The following KIF5A variants were observed in gnomAD, a reference collection of about 807,000 sequenced individuals.
The protein encoded by KIF5A is kinesin heavy chain isoform 5A.
In KIF5A, 35 loss-of-function variants were observed where a neutral mutation model predicts 141.3. The ratio of observed to expected loss-of-function variants is 0.25; its 90% CI spans 0.19 to 0.33. The LOEUF (loss-of-function observed/expected upper bound fraction) is 0.33. KIF5A is among the 10% of genes least tolerant of loss of function. The pLI, the probability that KIF5A is intolerant of heterozygous loss-of-function variation, is 1.00. For missense variants in KIF5A, 861 were observed against 1,314.3 expected, an observed-to-expected ratio of 0.66 and a Z score of 5.33; for synonymous variants, 448 against 500.2, an observed-to-expected ratio of 0.90 and a Z score of 1.39.
chr12:57,576,348 A>G lies in KIF5A; in HGVS notation c.2168A>G (p.Glu723Gly), dbSNP rs1331338616. 5.0e-6 allele frequency: 8 copies of G among 1,613,882 alleles called. No individual in the cohort carries two copies. Among genetic ancestry groups the G allele is most frequent in the Non-Finnish European group, 8.5e-7 (1 of 1,179,892 alleles). ...GCCCGGCTCCGGGACGAGATCAACG[A>G]GAAGCAGAAGACCATTGATGAGCTC... is the stretch of plus-strand genomic sequence containing the variant. ...QLARLRDEIN[E>G]KQKTIDELKD... The change falls in exon 19 of 29, where the codon GAG (glutamate) becomes GGG (glycine). Residue 723 changes from glutamate to glycine, a missense_variant. Coordinates refer to ENST00000455537, the MANE Select transcript of KIF5A (RefSeq NM_004984.4).
At chr12:57,567,700 G>C in intron 8 of KIF5A, 82 bp downstream of exon 8, 1 of 1,423,214 alleles carries the variant, frequency 7.0e-7, no homozygotes. Context: ...TCACTCTGTC[G>C]CCCGGGCTGG....
intron 15 of KIF5A, among the ~76,000 whole-genome samples, chr12:57,573,903 A>G (rs1462900180): frequency 6.6e-6 from 1 of 151,512 alleles, no homozygotes; most frequent in Non-Finnish European, 1.5e-5. Flanking sequence ...AACACAGTGA[A>G]ACCCTGTCTC....
At chr12:57,551,102 A>G (rs1202977138) in intron 1 of KIF5A, among the ~76,000 whole-genome samples, 1 of 152,088 alleles carries the variant, frequency 6.6e-6, no homozygotes, top group East Asian at 1.9e-4. Flanking sequence ...AAAAATGCCC[A>G]AACCCTGAGA....
chr12:57,577,004 C>A (rs2140168828), intron 20 of KIF5A, 142 bp downstream of exon 20: 1 of 664,016 alleles, frequency 1.5e-6, no homozygotes, highest in Non-Finnish European at 2.8e-6. Context: ...GGGACGGGAC[C>A]AAAAGGACAC....
rs1882624811 is a variant in KIF5A at position 57,582,121 on chromosome 12, G to A, written c.2992+169G>A. Among the ~76,000 whole-genome samples, 3 of 152,126 alleles carry A rather than the reference G, an allele frequency of 2.0e-5. 1 individual carries two copies. In the South Asian group the frequency reaches 6.2e-4, roughly 32 times the overall value. Reference sequence around the variant, plus strand: ...TAGCCAGGTGTGGTGGCATGCACCTGTAGTCCTAGCTACTTGGGAGGTTGA... The same window carrying A: ...TAGCCAGGTGTGGTGGCATGCACCTATAGTCCTAGCTACTTGGGAGGTTGA... On this transcript the variant is annotated intron_variant, in intron 26 of 28. Transcript: ENST00000455537.
In KIF5A at chr12:57,572,762, GGCACT is replaced by G. The variant is rs1882295953; in HGVS notation, c.1716+37_1716+41del. 1 of 1,613,296 alleles carries G rather than the reference GGCACT, an allele frequency of 6.2e-7. No individual in the cohort carries two copies. Among genetic ancestry groups the G allele is most frequent in the Admixed American group, 1.7e-5 (1 of 60,000 alleles). The stretch of plus-strand genomic sequence containing the variant: ...AGAGACAGCAGCCTTGTTCAGGCTG[GGCACT>G]AGTGGAAGACGCAAGATGAGCCATC... On this transcript the variant is annotated intron_variant, in intron 15 of 28. Coordinates refer to ENST00000455537, the MANE Select transcript of KIF5A (RefSeq NM_004984.4). This position sits in a 1 kb window ranked among gnomAD's most constrained non-coding sequence, Gnocchi z 4.2.
At chr12:57,579,117 C>T (rs559609761) in intron 23 of KIF5A, among the ~76,000 whole-genome samples, 3 of 151,942 alleles carry the variant, frequency 2.0e-5, no homozygotes, top group South Asian at 2.1e-4. Flanking sequence ...TGGTTGGGGC[C>T]CCAGTCAAAA....
intron 23 of KIF5A, among the ~76,000 whole-genome samples, chr12:57,579,897 C>A (rs1466308339): frequency 2.6e-5 from 4 of 151,582 alleles, no homozygotes; most frequent in Non-Finnish European, 5.9e-5. Flanking sequence ...TTCAAAGTCC[C>A]AAAAAAACAA....
chr12:57,583,066 C>G, intron 27 of KIF5A, 35 bp from the exon 28 acceptor site: 1 of 1,551,546 alleles, frequency 6.4e-7, no homozygotes, highest in Non-Finnish European at 8.9e-7. Flanking sequence ...ACTTTAATTT[C>G]TATGGAGCTG....
At chr12:57,575,871 C>A (rs1882408500) in intron 17 of KIF5A, 114 bp downstream of exon 17, 1 of 938,596 alleles carries the variant, frequency 1.1e-6, no homozygotes, top group Non-Finnish European at 1.8e-6. Flanking sequence ...TCATGGATGC[C>A]AACTCATATG....
chr12:57,577,099 C>CAT (rs1406851921), intron 20 of KIF5A, among the ~76,000 whole-genome samples: 1 of 152,146 alleles, frequency 6.6e-6, no homozygotes, highest in East Asian at 1.9e-4. Flanking sequence ...GTTACAAAAC[C>CAT]ATATGCATGG....
rs757751684 is a variant in KIF5A, at chr12:57,576,363, T to C, written c.2183T>C (p.Ile728Thr). The change falls in exon 19 of 29, where the codon ATT becomes ACT. Residue 728 changes from isoleucine to threonine, a missense_variant. This residue lies in a region of KIF5A where 482 missense variants were observed against 661.3 expected (regional missense o/e 0.73). Coordinates refer to ENST00000455537, the MANE Select transcript of KIF5A (RefSeq NM_004984.4). The part of the protein sequence containing the change: ...RDEINEKQKT[I>T]DELKDLNQKL... ...GAGATCAACGAGAAGCAGAAGACCA[T>C]TGATGAGCTCAAAGAGTAAGGGTTC... 8 of 1,613,860 alleles carry C rather than the reference T, an allele frequency of 5.0e-6. No homozygotes were observed. The highest frequency in any genetic ancestry group is 3.3e-5 in the South Asian group (3 of 91,046).
chr12:57,550,152 T>C lies in KIF5A; in HGVS notation c.-120T>C. On this transcript the variant is annotated 5_prime_UTR_variant, in exon 1 of 29. Transcript: ENST00000455537. This position sits in a 1 kb window ranked among gnomAD's most constrained non-coding sequence, Gnocchi z 4.6. The stretch of plus-strand genomic sequence containing the variant: ...CAGGCTTCGCCCGGGCGCCCTCAAC[T>C]CTGTCCCCAGAGACTGAGCACCTGT... 6.9e-7 allele frequency: 1 copy of C among 1,452,856 alleles called. No homozygotes were observed. The highest frequency in any genetic ancestry group is 9.6e-7 in the Non-Finnish European group (1 of 1,046,704). 90.0% of individuals were successfully genotyped at this position (1,452,856 alleles called of 1,614,324 possible).
rs375566227 is a variant in KIF5A, at chr12:57,564,426, C to T, written c.397-34C>T. ...CTGAACTAGATTTAAGATAGGCCCT[C>T]TTTACTTCACACTCCTTCTTTCTTC... On this transcript the variant is annotated intron_variant, in intron 4 of 28. Transcript: ENST00000455537. 4 of 1,548,364 alleles carry T rather than the reference C, an allele frequency of 2.6e-6. No individual in the cohort carries two copies. In the African/African-American group the frequency reaches 5.4e-5, roughly 21 times the overall value.
chr12:57,571,440 TGGAAGGC>T (rs746362676), intron 13 of KIF5A, 51 bp downstream of exon 13: 234 of 1,584,542 alleles, frequency 1.5e-4, no homozygotes, highest in Middle Eastern at 5.1e-4. Context: ...TGTTCATCAC[TGGAAGGC>T]ATGGAATAGA....
At position 57,572,603 on chromosome 12, in the gene KIF5A, T is replaced by G; in HGVS notation, c.1593T>G (p.Ser531=). Residue 531 remains serine (S), a synonymous_variant, in exon 15 of 29, where the codon TCT becomes TCG. Transcript: ENST00000455537. The surrounding 1 kb of genome is among the most constrained non-coding windows in gnomAD (Gnocchi z 4.2). ...AGGCCACCATGCTGTCCCTGGAGTCTGAGTTGCAGCGGCTACAGGAGGTCA... is the reference window on the plus strand; with the variant it reads ...AGGCCACCATGCTGTCCCTGGAGTCGGAGTTGCAGCGGCTACAGGAGGTCA... The part of the protein sequence containing the change: ...QKVATMLSLE[S]ELQRLQEVSG... 1 of 1,614,202 alleles carries G rather than the reference T, an allele frequency of 6.2e-7. No homozygotes were observed. Among genetic ancestry groups the G allele is most frequent in the South Asian group, 1.1e-5 (1 of 91,090 alleles).
intron 23 of KIF5A, among the ~76,000 whole-genome samples, chr12:57,580,065 A>G (rs1882549193): frequency 6.6e-6 from 1 of 152,222 alleles, no homozygotes; most frequent in Non-Finnish European, 1.5e-5. Context: ...GTATTGTCAC[A>G]GCAAAACATT....
chr12:57,563,904 T>C (rs1212406626), intron 3 of KIF5A, among the ~76,000 whole-genome samples: 1 of 152,182 alleles, frequency 6.6e-6, no homozygotes, highest in Non-Finnish European at 1.5e-5. Flanking sequence ...ACTCCAGTCT[T>C]CTTTTGATCG....
At chr12:57,567,053 T>C in intron 6 of KIF5A, 73 bp from the exon 7 acceptor site, 1 of 787,858 alleles carries the variant, frequency 1.3e-6, no homozygotes, top group Non-Finnish European at 1.9e-6. Context: ...AAAATAATAA[T>C]AATAAAAATA....
Sources: gnomAD v4.1 joint callset for allele counts (sites outside exome capture counted in the v4.1 genomes callset) on GRCh38, gnomAD v4.1.1 for gene constraint, gnomAD v4.1.1 regional missense constraint, Gnocchi (gnomAD v3.1) non-coding constraint, MANE v1.5 for transcripts, NCBI Gene and HGNC (gene_info 2026-07-23, HGNC 2026-07-21) for gene names.